ART1: variants seen among roughly 807,000 people sequenced by gnomAD.
The protein encoded by ART1 is ADP-ribosyltransferase 1.
ART1 carries 29 observed loss-of-function variants against 27.0 expected under a neutral mutation model. The ratio of observed to expected loss-of-function variants is 1.08; its 90% CI spans 0.80 to 1.47. The LOEUF (loss-of-function observed/expected upper bound fraction) is 1.47. Among genes scored for constraint, ART1 ranks in the 40% most tolerant of loss-of-function variants. ART1 has a pLI of 0.00. For missense variants in ART1, 480 were observed against 423.0 expected (o/e 1.13, Z -1.18); for synonymous variants, 201 against 172.2 (o/e 1.17, Z -1.31).
At chr11:3,661,788 G>A (rs1323842133) in intron 4 of ART1, among the ~76,000 whole-genome samples, 1 of 151,896 alleles carries the variant, frequency 6.6e-6, no homozygotes, top group Non-Finnish European at 1.5e-5. Flanking sequence ...GTCAGCCACC[G>A]TGCCCGGCCC....
chr11:3,659,298 C>G (rs768167062), intron 2 of ART1, 22 bp downstream of exon 2: 1 of 1,614,014 alleles, frequency 6.2e-7, no homozygotes, highest in Non-Finnish European at 8.5e-7. Context: ...CCCCACTGTT[C>G]CCACCCCAGC....
intron 1 of ART1, among the ~76,000 whole-genome samples, chr11:3,654,844 C>T (rs1589920527): frequency 6.6e-6 from 1 of 152,236 alleles, no homozygotes; most frequent in East Asian, 1.9e-4. Flanking sequence ...TCCACTAATT[C>T]CATGTCCTCA....
chr11:3,658,664 A>G (rs950441825), intron 1 of ART1, among the ~76,000 whole-genome samples: 10 of 151,996 alleles, frequency 6.6e-5, no homozygotes, highest in Non-Finnish European at 8.8e-5. Context: ...GTCCCTGGAG[A>G]TCCTGCTAAG....
At chr11:3,649,700 C>G (rs11028767) in intron 1 of ART1, among the ~76,000 whole-genome samples, 91,292 of 142,528 alleles carry the variant, frequency 0.64, 29,840 homozygotes, top group Admixed American at 0.79. Context: ...CATTTCATGA[C>G]TAGCCCTCCC....
Position 3,659,713 on chromosome 11 carries a change from A to G in ART1, c.194A>G (p.Asn65Ser), listed in dbSNP as rs1338676808. 1.2e-6 allele frequency: 2 copies of G among 1,613,906 alleles called. No homozygotes were observed. The highest frequency in any genetic ancestry group is 1.3e-5 in the African/African-American group (1 of 74,910). ...ATGACAGCTGCTCTCCCGGATCTCAACCACACGGAGTTCCAGGCCAACCAG... is the reference window on the plus strand; with the variant it reads ...ATGACAGCTGCTCTCCCGGATCTCAGCCACACGGAGTTCCAGGCCAACCAG... ...AAMTAALPDLNHTEFQANQVY... is the reference protein window; with the variant it reads ...AAMTAALPDLSHTEFQANQVY... Residue 65 changes from asparagine (N) to serine (S), a missense_variant, in exon 3 of 5, where the codon AAC (asparagine) becomes AGC (serine). Physicochemically the swap from Asn to Ser is conservative, Grantham distance 46 (BLOSUM62 1). Transcript: ENST00000250693.
At chr11:3,662,617 G>T (rs556974376) in intron 4 of ART1, among the ~76,000 whole-genome samples, 1 of 152,178 alleles carries the variant, frequency 6.6e-6, no homozygotes, top group Non-Finnish European at 1.5e-5. Context: ...GGCCAAGATG[G>T]GCAGATCACC....
At chr11:3,652,618 T>A (rs1299137949) in intron 1 of ART1, among the ~76,000 whole-genome samples, 3 of 152,104 alleles carry the variant, frequency 2.0e-5, no homozygotes, top group Admixed American at 6.5e-5. Context: ...TAGGCCCCAG[T>A]CTAATTCCAG....
intron 1 of ART1, among the ~76,000 whole-genome samples, chr11:3,649,630 C>T (rs1270796947): frequency 2.0e-5 from 3 of 152,214 alleles, no homozygotes; most frequent in Non-Finnish European, 4.4e-5. Flanking sequence ...AGCCTCAGCT[C>T]CTCCACCCTG....
chr11:3,646,428 G>C (rs760166666), intron 1 of ART1, among the ~76,000 whole-genome samples: 19 of 152,150 alleles, frequency 1.2e-4, no homozygotes, highest in Non-Finnish European at 2.6e-4. Context: ...GACCATCATG[G>C]GTGACTGGGT....
intron 1 of ART1, among the ~76,000 whole-genome samples, chr11:3,655,854 G>A (rs2077570376): frequency 6.6e-6 from 1 of 150,896 alleles, no homozygotes; most frequent in South Asian, 2.1e-4. Context: ...TTCTACACAG[G>A]AAAGTGAGGA....
At chr11:3,650,293 C>T (rs113804312) in intron 1 of ART1, among the ~76,000 whole-genome samples, 1 of 152,220 alleles carries the variant, frequency 6.6e-6, no homozygotes. Context: ...GTGTGGGACC[C>T]CACTGAAAAT....
At chr11:3,645,383 G>A (rs1170491126) in intron 1 of ART1, among the ~76,000 whole-genome samples, 1 of 152,142 alleles carries the variant, frequency 6.6e-6, no homozygotes, top group Non-Finnish European at 1.5e-5. Flanking sequence ...ATTCCCAGGA[G>A]GGTATGTTCA....
At chr11:3,656,638 T>C (rs2077578223) in intron 1 of ART1, among the ~76,000 whole-genome samples, 1 of 152,132 alleles carries the variant, frequency 6.6e-6, no homozygotes, top group Non-Finnish European at 1.5e-5. Flanking sequence ...CACCTCAGCC[T>C]CCCGGAGTTG....
chr11:3,646,541 A>G (rs1455906674), intron 1 of ART1, among the ~76,000 whole-genome samples: 1 of 152,192 alleles, frequency 6.6e-6, no homozygotes, highest in African/African-American at 2.4e-5. Flanking sequence ...CAAGGATACC[A>G]GGGTATCTCA....
chr11:3,655,293 T>C (rs2077563790), intron 1 of ART1, among the ~76,000 whole-genome samples: 1 of 150,930 alleles, frequency 6.6e-6, no homozygotes, highest in Non-Finnish European at 1.5e-5. Flanking sequence ...TGTAAAGTGA[T>C]CCCAAGAAAT....
Position 3,664,360 on chromosome 11 carries a change from G to A in ART1, c.*171G>A. ...GTGGAGAAACAGGAGACAATCTGGG[G>A]ACTGAACCTTACCCAGGGCTGTAGG... On this transcript the variant is annotated 3_prime_UTR_variant, in exon 5 of 5. Transcript: ENST00000250693. 1.6e-6 allele frequency: 1 copy of A among 639,682 alleles called. No individual in the cohort carries two copies. Among genetic ancestry groups the A allele is most frequent in the South Asian group, 1.8e-5 (1 of 54,056 alleles). The allele number at this position is 639,682 out of a possible 1,614,324, so 39.6% of individuals were successfully genotyped here. A position where few individuals can be genotyped will look rare whatever the true frequency, so the allele number is the denominator to read the frequency against.
Position 3,659,894 on chromosome 11 carries a change from C to T in ART1, c.375C>T (p.Ser125=), listed in dbSNP as rs753322141. Residue 125 remains serine (S), a synonymous_variant, in exon 3 of 5, where the codon AGC becomes AGT. Transcript: ENST00000250693. ...GVALLAYTAN[S]PLHKEFNAAV... is the part of the protein sequence containing the mutation. ...CCCTCCTGGCCTACACAGCCAACAG[C>T]CCCCTGCACAAGGAGTTCAATGCAG... 5 of 1,612,566 alleles carry T rather than the reference C, an allele frequency of 3.1e-6. No homozygotes were observed. Among genetic ancestry groups the T allele is most frequent in the Non-Finnish European group, 3.4e-6 (4 of 1,179,390 alleles).
At chr11:3,663,222 T>G (rs760492697) in intron 4 of ART1, among the ~76,000 whole-genome samples, 1 of 152,060 alleles carries the variant, frequency 6.6e-6, no homozygotes, top group Non-Finnish European at 1.5e-5. Context: ...CCTTATATGG[T>G]CAAGTGAGAC....
At chr11:3,645,505 C>T (rs879646178) in intron 1 of ART1, among the ~76,000 whole-genome samples, 22 of 152,180 alleles carry the variant, frequency 1.4e-4, no homozygotes, top group Non-Finnish European at 3.1e-4. Flanking sequence ...ATCCCCAGCT[C>T]CTTGGGCCCA....
Sources: gnomAD v4.1 joint callset for allele counts (sites outside exome capture counted in the v4.1 genomes callset) on GRCh38, gnomAD v4.1.1 for gene constraint, MANE v1.5 for transcripts, NCBI Gene and HGNC (gene_info 2026-07-23, HGNC 2026-07-21) for gene names.